Variants in RNF217 observed in about 807,000 individuals in gnomAD.
RNF217 encodes ring finger protein 217.
A neutral mutation model predicts 57.8 loss-of-function variants in RNF217; 31 were observed. The ratio of observed to expected loss-of-function variants is 0.54; its 90% confidence interval spans 0.40 to 0.72. The LOEUF is 0.72. RNF217 is among the 30% of genes least tolerant of loss of function. The probability of loss-of-function intolerance (pLI) is 0.00; values close to 1 mark genes in which losing one functional copy is unlikely to be tolerated. For synonymous variants in RNF217, 313 were observed against 294.0 expected (o/e 1.06, Z -0.66); for missense variants, 696 against 708.3 (o/e 0.98, Z 0.20).
rs138267127 is a variant in RNF217 at position 124,978,967 on chromosome 6, G to A, written c.882+15541G>A. On this transcript the variant is annotated intron_variant, in intron 1 of 5. Coordinates refer to ENST00000521654, the MANE Select transcript of RNF217 (RefSeq NM_001286398.3). ...ATGGGCTTGGAATGGGGGAATGCAAGCTGATTGGTCCATGGGTGGTCTTTG... is the reference window on the plus strand; with the variant it reads ...ATGGGCTTGGAATGGGGGAATGCAAACTGATTGGTCCATGGGTGGTCTTTG... 3.1e-3 allele frequency among the ~76,000 whole-genome samples: 472 copies of A among 152,304 alleles called. 4 individuals are homozygous for A. Among genetic ancestry groups the A allele is most frequent in the African/African-American group, 0.011 (445 of 41,570 alleles).
chr6:125,035,570 G>T (rs1786575018), intron 1 of RNF217, among the ~76,000 whole-genome samples: 1 of 152,054 alleles, frequency 6.6e-6, no homozygotes. Flanking sequence ...TACAAAACTT[G>T]TCATTCATGT....
At chr6:124,969,572 G>T (rs1334421) in intron 1 of RNF217, among the ~76,000 whole-genome samples, 1 of 152,064 alleles carries the variant, frequency 6.6e-6, no homozygotes, top group Non-Finnish European at 1.5e-5. Flanking sequence ...TAGTAAGAAA[G>T]ACCATTTATT....
rs116306887 is a variant in RNF217, at chr6:125,029,665, A to G, written c.883-15546A>G. 6.7e-3 allele frequency among the ~76,000 whole-genome samples: 1,024 copies of G among 152,316 alleles called. 11 individuals carry two copies. Among genetic ancestry groups the G allele is most frequent in the African/African-American group, 0.023 (957 of 41,556 alleles). ...GGGAGAAGTGTAAATGTTGTTGGTA[A>G]AAATGTAGAACGTGCATTTTTTAAA... On this transcript the variant is annotated intron_variant, in intron 1 of 5. Transcript: ENST00000521654.
chr6:124,999,536 C>T (rs1272429556), intron 1 of RNF217, among the ~76,000 whole-genome samples: 1 of 151,716 alleles, frequency 6.6e-6, no homozygotes, highest in Non-Finnish European at 1.5e-5. Flanking sequence ...ATGCACTGTA[C>T]TTTAGGCTCA....
At chr6:125,012,787 C>T (rs571731297) in intron 1 of RNF217, among the ~76,000 whole-genome samples, 6 of 152,194 alleles carry the variant, frequency 3.9e-5, no homozygotes, top group Admixed American at 3.9e-4. Flanking sequence ...TGATTTTTGG[C>T]TTTGCTAGCA....
At chr6:125,057,176 ATTG>A (rs1001106572) in intron 2 of RNF217, among the ~76,000 whole-genome samples, 7 of 151,934 alleles carry the variant, frequency 4.6e-5, no homozygotes, top group African/African-American at 7.3e-5. Flanking sequence ...CTGTGTTTTT[ATTG>A]TTGTTGTTGT....
chr6:125,067,201 C>CA (rs1192213737), intron 3 of RNF217, among the ~76,000 whole-genome samples: 2 of 152,092 alleles, frequency 1.3e-5, no homozygotes, highest in African/African-American at 2.4e-5. Context: ...GTTAACTTAG[C>CA]GTAAGGTTTA....
In RNF217 at chr6:125,088,470, A is replaced by G. The variant is rs1788837596; in HGVS notation, c.*5533A>G. 6.6e-6 allele frequency: 1 copy of G among 152,188 alleles called. No individual in the cohort carries two copies. The highest frequency in any genetic ancestry group is 2.4e-5 in the African/African-American group (1 of 41,464). The allele number at this position is 152,188 out of a possible 1,614,324, so 9.4% of individuals were successfully genotyped here. A position where few individuals can be genotyped will look rare whatever the true frequency, so the allele number is the denominator to read the frequency against. ...TTGGTTGACTTCATCCAAATCCAAG[A>G]AACAGAGTCACAGTAGTGAGACTAT... is the stretch of plus-strand genomic sequence containing the variant. On this transcript the variant is annotated 3_prime_UTR_variant, in exon 6 of 6. Coordinates refer to ENST00000521654, the MANE Select transcript of RNF217 (RefSeq NM_001286398.3).
intron 1 of RNF217, among the ~76,000 whole-genome samples, chr6:124,999,514 A>G (rs1389348222): frequency 1.3e-5 from 2 of 151,594 alleles, no homozygotes; most frequent in Non-Finnish European, 1.5e-5. Flanking sequence ...GTTTAGTGTG[A>G]TCTTGTAGAA....
chr6:125,017,191 A>G (rs1785645860), intron 1 of RNF217, among the ~76,000 whole-genome samples: 2 of 152,170 alleles, frequency 1.3e-5, no homozygotes, highest in Admixed American at 1.3e-4. Flanking sequence ...CTTTATGTAA[A>G]TAGTCATATG....
chr6:125,033,516 A>G (rs1786456822), intron 1 of RNF217, among the ~76,000 whole-genome samples: 3 of 148,962 alleles, frequency 2.0e-5, no homozygotes, highest in Admixed American at 2.0e-4. Flanking sequence ...CCTACAAAGG[A>G]CATGAACTCA....
At chr6:124,967,790 T>C (rs773710803) in intron 1 of RNF217, among the ~76,000 whole-genome samples, 2 of 152,158 alleles carry the variant, frequency 1.3e-5, no homozygotes, top group Non-Finnish European at 2.9e-5. Context: ...AAATTTTTTT[T>C]TTTCTTTGAG....
At chr6:125,049,758 G>A (rs984436849) in intron 2 of RNF217, among the ~76,000 whole-genome samples, 1 of 151,878 alleles carries the variant, frequency 6.6e-6, no homozygotes, top group Non-Finnish European at 1.5e-5. Flanking sequence ...GAAGGGCATG[G>A]GGGAGTAAAA....
At chr6:125,049,227 G>A (rs1177887297) in intron 2 of RNF217, among the ~76,000 whole-genome samples, 4 of 152,032 alleles carry the variant, frequency 2.6e-5, no homozygotes, top group African/African-American at 9.7e-5. Context: ...TGTTATGCCT[G>A]GAGATAGACA....
chr6:125,000,658 A>AC (rs574346499), intron 1 of RNF217, among the ~76,000 whole-genome samples: 64 of 152,070 alleles, frequency 4.2e-4, no homozygotes, highest in African/African-American at 1.5e-3. Context: ...AGAAATAGAG[A>AC]CCCTAGAATA....
chr6:124,989,444 C>T (rs1313988802), intron 1 of RNF217, among the ~76,000 whole-genome samples: 1 of 152,138 alleles, frequency 6.6e-6, no homozygotes, highest in Non-Finnish European at 1.5e-5. Context: ...ATGCATGGCA[C>T]TCCAAATGCT....
chr6:125,066,029 T>C (rs1198627615), intron 3 of RNF217, among the ~76,000 whole-genome samples: 11 of 152,156 alleles, frequency 7.2e-5, no homozygotes, highest in Admixed American at 7.2e-4. Context: ...GAACTTTAGG[T>C]TATCCCAGAC....
chr6:125,068,226 G>T (rs1788008912), intron 3 of RNF217, among the ~76,000 whole-genome samples: 2 of 152,096 alleles, frequency 1.3e-5, no homozygotes, highest in Non-Finnish European at 1.5e-5. Flanking sequence ...GATAATTAAA[G>T]AGTTTTAAAA....
At chr6:125,009,193 G>A in intron 1 of RNF217, 1 of 1,574,900 alleles carries the variant, frequency 6.3e-7, no homozygotes, top group Non-Finnish European at 8.6e-7. Flanking sequence ...CAGCACTTGA[G>A]TAAAGATAAA....
Sources: gnomAD v4.1 joint callset for allele counts (sites outside exome capture counted in the v4.1 genomes callset) on GRCh38, gnomAD v4.1.1 for gene constraint, MANE v1.5 for transcripts, NCBI Gene and HGNC (gene_info 2026-07-23, HGNC 2026-07-21) for gene names.